XKR6: variants seen among roughly 807,000 people sequenced by gnomAD.
XKR6 encodes the protein XK-related protein 6.
A neutral mutation model predicts 56.7 loss-of-function variants in XKR6; 22 were observed. That is an observed-to-expected ratio of 0.39 (90% CI 0.28 to 0.55). XKR6 has a LOEUF of 0.55. Among genes scored for constraint, XKR6 ranks in the 20% least tolerant of loss-of-function variants. XKR6 has a pLI of 0.66. For synonymous variants in XKR6, 524 were observed against 387.8 expected, an observed-to-expected ratio of 1.35 and a Z score of -4.13; for missense variants, 852 against 889.0, an observed-to-expected ratio of 0.96 and a Z score of 0.53.
chr8:11,052,136 G>A (rs892240529), intron 1 of XKR6, among the ~76,000 whole-genome samples: 4 of 151,914 alleles, frequency 2.6e-5, no homozygotes, highest in Non-Finnish European at 5.9e-5. Context: ...TGGCTTCCCT[G>A]CTGCTCCTTC....
chr8:11,076,717 G>A (rs944730899), intron 1 of XKR6, among the ~76,000 whole-genome samples: 1 of 152,220 alleles, frequency 6.6e-6, no homozygotes, highest in African/African-American at 2.4e-5. Flanking sequence ...GCCAGGATCC[G>A]GGGCCTCAGC....
intron 1 of XKR6, among the ~76,000 whole-genome samples, chr8:11,147,108 T>TAATA (rs1554471889): frequency 5.3e-5 from 8 of 151,556 alleles, no homozygotes; most frequent in Non-Finnish European, 7.4e-5. Flanking sequence ...ATAATAATAA[T>TAATA]AATAAATAAA....
intron 1 of XKR6, among the ~76,000 whole-genome samples, chr8:10,952,104 C>A (rs143634064): frequency 6.6e-6 from 1 of 152,180 alleles, no homozygotes; most frequent in Admixed American, 6.5e-5. Flanking sequence ...GCCCTCCTGC[C>A]CCTCTCCAGG....
chr8:10,958,080 T>G (rs889441793), intron 1 of XKR6, among the ~76,000 whole-genome samples: 23 of 152,364 alleles, frequency 1.5e-4, no homozygotes, highest in Non-Finnish European at 2.9e-4. Context: ...ACTTGCCCTC[T>G]CTGGGCCTCA....
intron 1 of XKR6, among the ~76,000 whole-genome samples, chr8:11,197,069 T>A (rs112026933): frequency 6.6e-6 from 1 of 152,202 alleles, no homozygotes; most frequent in Admixed American, 6.5e-5. Context: ...GGTGCCATTA[T>A]AAAATGCAAA....
At chr8:11,079,480 G>A (rs77514029) in intron 1 of XKR6, among the ~76,000 whole-genome samples, 424 of 152,298 alleles carry the variant, frequency 2.8e-3, no homozygotes, top group African/African-American at 9.7e-3. Context: ...TCTGCATATG[G>A]TTTTGATGCA....
At chr8:11,126,070 T>G (rs1380084078) in intron 1 of XKR6, 1 of 152,138 alleles carries the variant, frequency 6.6e-6, no homozygotes, top group African/African-American at 2.4e-5. Context: ...GTTTTTTTTT[T>G]TTTGTTTTGT....
chr8:10,988,864 A>T (rs1797924055), intron 1 of XKR6, among the ~76,000 whole-genome samples: 1 of 152,244 alleles, frequency 6.6e-6, no homozygotes, highest in African/African-American at 2.4e-5. Context: ...TAAGGTGCAG[A>T]TTCCCTTTGC....
In XKR6 at chr8:11,096,534, A is replaced by G. The variant is rs565916569; in HGVS notation, c.764+104042T>C. The stretch of plus-strand genomic sequence containing the variant: ...AGGCATTGGTGTATCTGAACTGAAT[A>G]AGGTATCAGACGGATCAAAGCTTTC... On this transcript the variant is annotated intron_variant, in intron 1 of 2. Transcript: ENST00000416569. 1.1e-4 allele frequency among the ~76,000 whole-genome samples: 16 copies of G among 152,372 alleles called. No homozygotes were observed. In the South Asian group the frequency reaches 2.7e-3, roughly 26 times the overall value.
intron 1 of XKR6, among the ~76,000 whole-genome samples, chr8:10,971,188 G>A (rs767048219): frequency 2.6e-5 from 4 of 151,822 alleles, no homozygotes; most frequent in African/African-American, 4.8e-5. Context: ...TTGGGAGGCC[G>A]AGGTGGGCGG....
At position 10,898,055 on chromosome 8, in the gene XKR6, C is replaced by G; in HGVS notation, c.1823G>C (p.Arg608Thr). 1 of 1,613,994 alleles carries G rather than the reference C, an allele frequency of 6.2e-7. No homozygotes were observed. The highest frequency in any genetic ancestry group is 8.5e-7 in the Non-Finnish European group (1 of 1,179,968). The part of the protein sequence containing the change: ...DAHFVDRRLR[R>T]TINILQYVTP... The stretch of plus-strand genomic sequence containing the variant: ...GACATATTGTAGAATGTTAATAGTC[C>G]TTCTCAGCCTCCTGTCTACAAAATG... Residue 608 changes from arginine to threonine, a missense_variant, in exon 3 of 3, where the codon AGG becomes ACG. Physicochemically the swap from Arg to Thr is moderately conservative, Grantham distance 71. This residue lies in a region of XKR6 where 39 missense variants were observed against 62.5 expected (regional missense o/e 0.62). Transcript: ENST00000416569. This position sits in a 1 kb window ranked among gnomAD's most constrained non-coding sequence, Gnocchi z 6.6.
chr8:10,937,796 C>G (rs1563298784), intron 1 of XKR6, among the ~76,000 whole-genome samples: 3 of 151,560 alleles, frequency 2.0e-5, no homozygotes, highest in African/African-American at 7.3e-5. Flanking sequence ...AACCACTGCT[C>G]TCTTCAAAGC....
chr8:11,197,027 C>T (rs1272956669), intron 1 of XKR6, among the ~76,000 whole-genome samples: 1 of 152,150 alleles, frequency 6.6e-6, no homozygotes, highest in Admixed American at 6.5e-5. Context: ...GAAAACAACG[C>T]TAAAACAGAG....
intron 1 of XKR6, among the ~76,000 whole-genome samples, chr8:11,031,195 A>C (rs554863232): frequency 2.3e-4 from 35 of 152,298 alleles, no homozygotes; most frequent in African/African-American, 8.4e-4. Context: ...GGGAGAGAAA[A>C]TGCTTAGATA....
Position 11,145,695 on chromosome 8 carries a change from G to C in XKR6, c.764+54881C>G, listed in dbSNP as rs1229623162. The stretch of plus-strand genomic sequence containing the variant: ...GAGAACTACAACATAATTGCTAAGA[G>C]AAATTAAAGATCTAAATAAATGGAG... On this transcript the variant is annotated intron_variant, in intron 1 of 2. Coordinates refer to ENST00000416569, the MANE Select transcript of XKR6 (RefSeq NM_173683.4). Among the ~76,000 whole-genome samples, 8 of 152,294 alleles carry C rather than the reference G, an allele frequency of 5.3e-5. No individual in the cohort carries two copies. In the East Asian group the frequency reaches 1.2e-3, roughly 22 times the overall value.
intron 1 of XKR6, among the ~76,000 whole-genome samples, chr8:11,030,968 C>T (rs1339215411): frequency 6.6e-6 from 1 of 152,176 alleles, no homozygotes; most frequent in East Asian, 1.9e-4. Context: ...AACTGAGGCT[C>T]TGAGAAGTGG....
intron 1 of XKR6, among the ~76,000 whole-genome samples, chr8:10,972,971 C>T (rs541744887): frequency 4.6e-5 from 7 of 152,276 alleles, no homozygotes; most frequent in African/African-American, 1.7e-4. Context: ...CTGGGAGGAC[C>T]ATTCATGAAC....
intron 2 of XKR6, among the ~76,000 whole-genome samples, 170 bp from the exon 3 acceptor site, chr8:10,899,086 G>A (rs1022053341): frequency 6.6e-6 from 1 of 152,200 alleles, no homozygotes; most frequent in African/African-American, 2.4e-5. Flanking sequence ...TCCCTACGCT[G>A]ACAACTTGGG....
chr8:10,974,355 C>A (rs896968482), intron 1 of XKR6, among the ~76,000 whole-genome samples: 1 of 152,184 alleles, frequency 6.6e-6, no homozygotes, highest in Non-Finnish European at 1.5e-5. Context: ...CACAGTGAGA[C>A]CATTGCCAGC....
Sources: allele counts gnomAD v4.1 joint callset (sites outside exome capture counted in the v4.1 genomes callset), GRCh38; gene constraint gnomAD v4.1.1; regional missense constraint gnomAD v4.1.1; non-coding constraint Gnocchi (gnomAD v3.1); transcripts MANE v1.5; gene names NCBI Gene and HGNC (gene_info 2026-07-23, HGNC 2026-07-21).